The following PVALB variants were observed in gnomAD, a reference collection of about 807,000 sequenced individuals.
PVALB encodes the protein parvalbumin alpha.
A neutral mutation model predicts 10.9 loss-of-function variants in PVALB; 11 were observed. That is an observed-to-expected ratio of 1.01 (90% CI 0.63 to 1.67). PVALB has a LOEUF of 1.67. Ranked by LOEUF, PVALB falls within the 40% of genes most tolerant of loss-of-function variation. The pLI is 0.00. For missense variants in PVALB, 131 were observed against 136.2 expected (o/e 0.96, Z 0.19); for synonymous variants, 57 against 50.7 (o/e 1.12, Z -0.53).
At chr22:36,801,012 C>T in intron 3 of PVALB, 94 bp from the exon 4 acceptor site, 1 of 1,277,064 alleles carries the variant, frequency 7.8e-7, no homozygotes, top group Non-Finnish European at 1.1e-6. Context: ...GGTGCTCTCT[C>T]TGGGTTCTTG....
rs139482503 is a variant in PVALB at position 36,813,478 on chromosome 22, G to A, written c.304+168C>T. ...ATACACCAGTTTTCCTTTGTCTGGAGTATGTGGCAGAGCTCTCAGACCTAA... is the reference window on the plus strand; with the variant it reads ...ATACACCAGTTTTCCTTTGTCTGGAATATGTGGCAGAGCTCTCAGACCTAA... On this transcript the variant is annotated intron_variant, in intron 3 of 3. Transcript: ENST00000417718. 4.4e-5 allele frequency: 26 copies of A among 585,766 alleles called. No individual in the cohort carries two copies. The African/African-American group carries it at 4.4e-4, about 10-fold the overall frequency. The allele number at this position is 585,766 out of a possible 1,614,324, so 36.3% of individuals were successfully genotyped here.
chr22:36,813,681 C>G lies in PVALB; in HGVS notation c.269G>C (p.Gly90Ala), dbSNP rs144686174. The G allele has an allele frequency of 1.2e-6, 2 of 1,614,042 alleles. No individual in the cohort carries two copies. The highest frequency in any genetic ancestry group is 1.7e-6 in the Non-Finnish European group (2 of 1,180,032). ...AATTTTGCCGTCCCCATCTTTGTCT[C>G]CAGCAGCCATCAGCATCTTGGTTTC... ...AKETKMLMAA[G>A]DKDGDGKIGV... Residue 90 changes from glycine (G) to alanine (A), a missense_variant, in exon 3 of 4, where the codon GGA becomes GCA. Physicochemically the swap from Gly to Ala is moderately conservative, Grantham distance 60 (BLOSUM62 0). Transcript: ENST00000417718.
intron 1 of PVALB, among the ~76,000 whole-genome samples, chr22:36,815,565 T>A (rs1939125808): frequency 6.6e-6 from 1 of 152,082 alleles, no homozygotes; most frequent in South Asian, 2.1e-4. Context: ...GAGAACCTTG[T>A]GCCCAGGAAG....
At chr22:36,807,253 G>A (rs2284023) in intron 3 of PVALB, among the ~76,000 whole-genome samples, 50,468 of 152,042 alleles carry the variant, frequency 0.33, 9,353 homozygotes, top group Non-Finnish European at 0.43. Context: ...TACTGTCTAC[G>A]GGGCCTCAGT....
chr22:36,819,180 G>A (rs746827766), upstream of PVALB, among the ~76,000 whole-genome samples: 10 of 152,132 alleles, frequency 6.6e-5, no homozygotes, highest in Non-Finnish European at 1.3e-4. Flanking sequence ...TCGTTCTAAG[G>A]CTGGGGAATC....
In PVALB at chr22:36,811,275, C is replaced by CTAAATAAATAAATAAA. The variant is rs72164769; in HGVS notation, c.304+2355_304+2370dup. ...CCTGGGTGACAGAGAGAGACTGTCT[C>CTAAATAAATAAATAAA]TAAATAAATAAATAAATAAATAAAT... On this transcript the variant is annotated intron_variant, in intron 3 of 3. Coordinates refer to ENST00000417718, the MANE Select transcript of PVALB (RefSeq NM_001315532.2). 3.3e-4 allele frequency among the ~76,000 whole-genome samples: 49 copies of CTAAATAAATAAATAAA among 148,188 alleles called. 1 individual carries two copies. The highest frequency in any genetic ancestry group is 3.4e-3 in the Middle Eastern group (1 of 292).
chr22:36,814,955 G>A, intron 2 of PVALB, 148 bp downstream of exon 2: 3 of 1,061,854 alleles, frequency 2.8e-6, no homozygotes, highest in Admixed American at 2.7e-5. Flanking sequence ...GGTGCCCTGG[G>A]TCGGAGCCCT....
At chr22:36,804,856 C>T (rs1048586561) in intron 3 of PVALB, among the ~76,000 whole-genome samples, 9 of 152,146 alleles carry the variant, frequency 5.9e-5, no homozygotes, top group African/African-American at 1.4e-4. Flanking sequence ...CTAGCTTGAA[C>T]CCGGGAGGTG....
chr22:36,801,228 C>G (rs913017035), intron 3 of PVALB, among the ~76,000 whole-genome samples: 3 of 152,158 alleles, frequency 2.0e-5, no homozygotes, highest in Non-Finnish European at 4.4e-5. Flanking sequence ...GAATGCTTAT[C>G]ATATGCCAGG....
intron 3 of PVALB, among the ~76,000 whole-genome samples, chr22:36,809,855 G>GGTT (rs568151665): frequency 2.5e-5 from 3 of 122,118 alleles, no homozygotes; most frequent in Non-Finnish European, 5.0e-5. Context: ...CATGTCCCAT[G>GGTT]TTTTTTTTTT....
At chr22:36,816,630 G>A (rs982971393) in intron 1 of PVALB, among the ~76,000 whole-genome samples, 1 of 152,228 alleles carries the variant, frequency 6.6e-6, no homozygotes, top group Non-Finnish European at 1.5e-5. Context: ...GGACCCTGGA[G>A]GTCTCTCCTC....
chr22:36,808,430 C>T (rs1396686798), intron 3 of PVALB, among the ~76,000 whole-genome samples: 5 of 152,110 alleles, frequency 3.3e-5, no homozygotes, highest in Non-Finnish European at 7.4e-5. Flanking sequence ...GCTGGACCAC[C>T]GAGCCTCAGT....
At chr22:36,811,067 G>A (rs1253378742) in intron 3 of PVALB, among the ~76,000 whole-genome samples, 1 of 152,192 alleles carries the variant, frequency 6.6e-6, no homozygotes, top group Non-Finnish European at 1.5e-5. Flanking sequence ...CTTGAGGTCA[G>A]GAGTTCGAGA....
chr22:36,804,443 C>T (rs1048479080), intron 3 of PVALB, among the ~76,000 whole-genome samples: 4 of 152,206 alleles, frequency 2.6e-5, no homozygotes, highest in Admixed American at 1.3e-4. Flanking sequence ...CGCTGGCCTT[C>T]GGCAGAGAAC....
At chr22:36,801,134 T>C (rs1293606765) in intron 3 of PVALB, among the ~76,000 whole-genome samples, 1 of 152,202 alleles carries the variant, frequency 6.6e-6, no homozygotes, top group African/African-American at 2.4e-5. Flanking sequence ...CCACATCTTT[T>C]GGTTCATCAT....
At chr22:36,806,467 G>A (rs1307748267) in intron 3 of PVALB, among the ~76,000 whole-genome samples, 2 of 152,220 alleles carry the variant, frequency 1.3e-5, no homozygotes, top group African/African-American at 4.8e-5. Context: ...TGACAGGTGA[G>A]AGCAACACAC....
intron 2 of PVALB, 24 bp from the exon 3 acceptor site, chr22:36,813,779 C>T (rs183694832): frequency 3.9e-5 from 61 of 1,580,928 alleles, no homozygotes; most frequent in Non-Finnish European, 4.5e-5. Flanking sequence ...GGGAGAAAGC[C>T]GGTGAGGGAG....
At chr22:36,804,621 C>G (rs1226671537) in intron 3 of PVALB, among the ~76,000 whole-genome samples, 1 of 152,156 alleles carries the variant, frequency 6.6e-6, no homozygotes, top group Admixed American at 6.5e-5. Context: ...CTCTAAAATG[C>G]CCAGGTCTCT....
intron 3 of PVALB, among the ~76,000 whole-genome samples, chr22:36,806,318 G>C (rs1425198175): frequency 6.6e-6 from 1 of 152,184 alleles, no homozygotes; most frequent in Non-Finnish European, 1.5e-5. Flanking sequence ...GGTAGGGATG[G>C]GGGTGGGAAG....
Sources: gnomAD v4.1 joint callset for allele counts (sites outside exome capture counted in the v4.1 genomes callset) on GRCh38, gnomAD v4.1.1 for gene constraint, MANE v1.5 for transcripts, NCBI Gene and HGNC (gene_info 2026-07-23, HGNC 2026-07-21) for gene names.